The following SAMD12 variants were observed in gnomAD, a reference collection of about 807,000 sequenced individuals.
SAMD12 encodes sterile alpha motif domain containing 12.
Under a neutral mutation model 15.0 loss-of-function variants are expected in SAMD12, and 9 were observed. That is an observed-to-expected ratio of 0.60 (90% CI 0.36 to 1.05). The LOEUF is 1.05. SAMD12 is among the 50% of genes least tolerant of loss of function. The pLI is 0.01. For missense variants in SAMD12, 230 were observed against 234.2 expected (o/e 0.98, Z 0.12); for synonymous variants, 86 against 90.1 (o/e 0.96, Z 0.25).
chr8:118,523,150 G>T (rs749566058), intron 2 of SAMD12, among the ~76,000 whole-genome samples: 1 of 152,186 alleles, frequency 6.6e-6, no homozygotes, highest in East Asian at 1.9e-4. Context: ...ATGCACAAAA[G>T]TTTGAAAATT....
the SAMD12 span, among the ~76,000 whole-genome samples, chr8:118,144,526 T>C: frequency 3.4e-3 from 525 of 152,244 alleles, no homozygotes; most frequent in Non-Finnish European, 4.2e-3. Context: ...ATTAATTTCT[T>C]ATTACATATT....
chr8:118,488,873 G>A (rs377179512), intron 2 of SAMD12, among the ~76,000 whole-genome samples: 65 of 152,272 alleles, frequency 4.3e-4, no homozygotes, highest in Middle Eastern at 3.4e-3. Flanking sequence ...AAATACCTAG[G>A]AGCAGAATGC....
At chr8:118,292,185 C>CG (rs1554624017) in intron 4 of SAMD12, among the ~76,000 whole-genome samples, 2 of 151,236 alleles carry the variant, frequency 1.3e-5, no homozygotes, top group Non-Finnish European at 2.9e-5. Context: ...ACTGCAAATA[C>CG]GGTGCTGTGT....
chr8:118,295,475 A>G (rs1370351247), intron 4 of SAMD12, among the ~76,000 whole-genome samples: 1 of 152,208 alleles, frequency 6.6e-6, no homozygotes. Context: ...ATCAGTGGAT[A>G]ATAATGATGT....
chr8:118,278,552 G>C (rs1439065083), intron 4 of SAMD12, among the ~76,000 whole-genome samples: 1 of 152,178 alleles, frequency 6.6e-6, no homozygotes, highest in Non-Finnish European at 1.5e-5. Context: ...TTGACTAGCT[G>C]CTGCTGTTAA....
At chr8:118,371,155 C>T (rs1819078613) in intron 4 of SAMD12, among the ~76,000 whole-genome samples, 1 of 151,942 alleles carries the variant, frequency 6.6e-6, no homozygotes, top group African/African-American at 2.4e-5. Context: ...GCAACTTGTC[C>T]AAAGTTAATA....
intron 3 of SAMD12, among the ~76,000 whole-genome samples, chr8:118,385,081 G>T (rs187910267): frequency 6.6e-6 from 1 of 152,218 alleles, no homozygotes; most frequent in Non-Finnish European, 1.5e-5. Flanking sequence ...CATAGAAAAA[G>T]CATGACTGTG....
downstream of SAMD12, among the ~76,000 whole-genome samples, chr8:118,377,480 G>C (rs1465017894): frequency 6.6e-6 from 1 of 152,028 alleles, no homozygotes; most frequent in Admixed American, 6.6e-5. Context: ...AAATACCCAA[G>C]AGCTAGAGAA....
chr8:118,520,700 G>A (rs1215843391), intron 2 of SAMD12, among the ~76,000 whole-genome samples: 2 of 152,152 alleles, frequency 1.3e-5, no homozygotes, highest in African/African-American at 4.8e-5. Flanking sequence ...TCATCAATAA[G>A]ATGTCTACAG....
chr8:118,520,712 C>T (rs1292755414), intron 2 of SAMD12, among the ~76,000 whole-genome samples: 1 of 152,152 alleles, frequency 6.6e-6, no homozygotes, highest in East Asian at 1.9e-4. Context: ...TGTCTACAGA[C>T]AATCACTTAC....
intron 4 of SAMD12, among the ~76,000 whole-genome samples, chr8:118,258,713 T>C (rs901522252): frequency 1.3e-5 from 2 of 152,166 alleles, no homozygotes; most frequent in Non-Finnish European, 2.9e-5. Flanking sequence ...ATGGGAATGT[T>C]TGAACTATTA....
intron 1 of SAMD12, among the ~76,000 whole-genome samples, chr8:118,587,419 C>T (rs1827481118): frequency 6.6e-6 from 1 of 152,214 alleles, no homozygotes; most frequent in Non-Finnish European, 1.5e-5. Context: ...TGATGGGCTA[C>T]ACATTCTCAA....
chr8:118,472,285 T>TAA (rs573240063), intron 2 of SAMD12, among the ~76,000 whole-genome samples: 3 of 138,148 alleles, frequency 2.2e-5, no homozygotes, highest in African/African-American at 5.3e-5. Context: ...AGACTCCATC[T>TAA]AAAAAAAAAA....
At chr8:118,283,178 G>A (rs924251811) in intron 4 of SAMD12, among the ~76,000 whole-genome samples, 4 of 151,922 alleles carry the variant, frequency 2.6e-5, no homozygotes, top group Admixed American at 6.6e-5. Flanking sequence ...TGTGCACAAC[G>A]TGCAGGTTTG....
At chr8:118,551,303 G>A (rs1165100901) in intron 2 of SAMD12, among the ~76,000 whole-genome samples, 1 of 150,568 alleles carries the variant, frequency 6.6e-6, no homozygotes, top group East Asian at 1.9e-4. Context: ...AAATGTAAAA[G>A]AACAGAAATT....
At chr8:118,447,703 A>ATTT (rs1480012021) in intron 2 of SAMD12, among the ~76,000 whole-genome samples, 1 of 90,948 alleles carries the variant, frequency 1.1e-5, no homozygotes, top group African/African-American at 5.5e-5. Context: ...TTTTATTTTT[A>ATTT]ATATTTATTT....
the SAMD12 span, among the ~76,000 whole-genome samples, chr8:118,160,201 C>G: frequency 6.6e-6 from 1 of 152,250 alleles, no homozygotes; most frequent in East Asian, 1.9e-4. Flanking sequence ...TACCTGTACA[C>G]TGAAAACTAT....
chr8:118,400,136 A>G (rs1223982009), intron 3 of SAMD12: 3 of 152,208 alleles, frequency 2.0e-5, no homozygotes, highest in African/African-American at 7.2e-5. Flanking sequence ...ACATGCATAT[A>G]TTTTCACACA....
the SAMD12 span, among the ~76,000 whole-genome samples, chr8:118,145,810 G>A: frequency 6.6e-6 from 1 of 152,202 alleles, no homozygotes; most frequent in Non-Finnish European, 1.5e-5. Context: ...TGCTAAAGGA[G>A]TCCTGAGTTG....
Sources: allele counts gnomAD v4.1 joint callset (sites outside exome capture counted in the v4.1 genomes callset), GRCh38; gene constraint gnomAD v4.1.1; transcripts MANE v1.5; gene names NCBI Gene and HGNC (gene_info 2026-07-23, HGNC 2026-07-21).